SAMD5: variants seen among roughly 807,000 people sequenced by gnomAD.
The protein encoded by SAMD5 is sterile alpha motif domain containing 5, also known as sterile alpha motif domain-containing protein 5.
Under a neutral mutation model 11.3 loss-of-function variants are expected in SAMD5, and 13 were observed. The observed-to-expected ratio is 1.15, with a 90% CI of 0.75 to 1.83. The LOEUF (loss-of-function observed/expected upper bound fraction) is 1.83, where lower values mean the gene tolerates loss of function less well. Ranked by LOEUF, SAMD5 falls within the 40% of genes most tolerant of loss-of-function variation. The pLI, the probability that SAMD5 is intolerant of heterozygous loss-of-function variation, is 0.00. For synonymous variants in SAMD5, 129 were observed against 111.3 expected (o/e 1.16, Z -1.00); for missense variants, 255 against 239.1 (o/e 1.07, Z -0.44).
the SAMD5 span, among the ~76,000 whole-genome samples, chr6:147,905,971 G>T: frequency 6.6e-6 from 1 of 152,142 alleles, no homozygotes; most frequent in African/African-American, 2.4e-5. Context: ...GTTTCCTGTT[G>T]TCTCAGCACC....
the SAMD5 span, among the ~76,000 whole-genome samples, chr6:147,827,280 G>A: frequency 8.2e-3 from 1,241 of 151,780 alleles, 19 homozygotes; most frequent in African/African-American, 0.029. Context: ...CTTGTTCGTT[G>A]CACACACATA....
At chr6:147,861,447 T>G in the SAMD5 span, among the ~76,000 whole-genome samples, 1 of 152,122 alleles carries the variant, frequency 6.6e-6, no homozygotes, top group Non-Finnish European at 1.5e-5. Flanking sequence ...ATTACAGGTG[T>G]GAGCCACCAC....
chr6:147,788,235 G>A, the SAMD5 span, among the ~76,000 whole-genome samples: 1 of 152,286 alleles, frequency 6.6e-6, no homozygotes, highest in Non-Finnish European at 1.5e-5. Context: ...GGATATTTCA[G>A]TATACATATT....
In SAMD5 at chr6:147,569,966, A is replaced by T. The variant is rs970420797; in HGVS notation, c.*5510A>T. ...AACCATGTAATGCATGCCCATGCAC[A>T]CTGTGATTTGCAAACATATGTCCGC... On this transcript the variant is annotated 3_prime_UTR_variant, in exon 2 of 2. Transcript: ENST00000367474. 1.0e-6 allele frequency: 1 copy of T among 985,090 alleles called. No homozygotes were observed. The allele number at this position is 985,090 out of a possible 1,614,324, so 61.0% of individuals were successfully genotyped here.
the SAMD5 span, among the ~76,000 whole-genome samples, chr6:147,900,427 G>A: frequency 2.0e-5 from 3 of 152,184 alleles, no homozygotes; most frequent in Non-Finnish European, 4.4e-5. Context: ...TGCTGGAGAC[G>A]CAAAAGTGTG....
chr6:147,763,447 C>A, the SAMD5 span, among the ~76,000 whole-genome samples: 1 of 151,308 alleles, frequency 6.6e-6, no homozygotes, highest in Non-Finnish European at 1.5e-5. Context: ...CAGGTGTGAG[C>A]CACCGCGCCT....
the SAMD5 span, among the ~76,000 whole-genome samples, chr6:147,885,119 C>T: frequency 6.0e-4 from 91 of 152,218 alleles, no homozygotes; most frequent in African/African-American, 2.1e-3. Flanking sequence ...CATGAACTGC[C>T]AGTATTGCTT....
chr6:147,736,198 A>G (rs1192705302), intron 1 of SAMD5, among the ~76,000 whole-genome samples: 2 of 152,226 alleles, frequency 1.3e-5, no homozygotes, highest in Non-Finnish European at 2.9e-5. Context: ...TAGTATTATC[A>G]ATCTCATTCA....
intron 1 of SAMD5, among the ~76,000 whole-genome samples, chr6:147,592,376 G>C (rs1789468139): frequency 6.6e-6 from 1 of 152,150 alleles, no homozygotes; most frequent in East Asian, 1.9e-4. Context: ...TCCAGGGAAA[G>C]AGGTGGGCGT....
chr6:147,917,786 T>G, the SAMD5 span, among the ~76,000 whole-genome samples: 1 of 152,204 alleles, frequency 6.6e-6, no homozygotes, highest in Non-Finnish European at 1.5e-5. Flanking sequence ...GGCTAGCCAG[T>G]TTTCCCAGCA....
chr6:147,870,749 G>C, the SAMD5 span, among the ~76,000 whole-genome samples: 1 of 144,448 alleles, frequency 6.9e-6, no homozygotes, highest in Non-Finnish European at 1.5e-5. Flanking sequence ...GAGGGGAGAG[G>C]GGGCAGGAAG....
chr6:147,638,815 C>G (rs1790270032), intron 1 of SAMD5, among the ~76,000 whole-genome samples: 1 of 152,178 alleles, frequency 6.6e-6, no homozygotes, highest in South Asian at 2.1e-4. Flanking sequence ...AATTCAGAGA[C>G]AGTGCTAGTA....
intron 1 of SAMD5, among the ~76,000 whole-genome samples, chr6:147,712,605 A>T (rs1267897921): frequency 6.6e-6 from 1 of 152,154 alleles, no homozygotes; most frequent in African/African-American, 2.4e-5. Flanking sequence ...TTGAGATAGC[A>T]TCTTGAGGGT....
chr6:147,558,411 C>T (rs184169792), intron 1 of SAMD5, among the ~76,000 whole-genome samples: 3 of 152,230 alleles, frequency 2.0e-5, no homozygotes, highest in East Asian at 3.9e-4. Context: ...GCTTGTGCTG[C>T]GTAATTATAA....
chr6:147,693,605 A>G (rs1034896470), intron 1 of SAMD5, among the ~76,000 whole-genome samples: 2 of 152,220 alleles, frequency 1.3e-5, no homozygotes, highest in Non-Finnish European at 2.9e-5. Context: ...AAGTGGAGGA[A>G]TGATGTTTAA....
intron 1 of SAMD5, among the ~76,000 whole-genome samples, chr6:147,678,637 C>G (rs896747378): frequency 6.6e-6 from 1 of 152,076 alleles, no homozygotes; most frequent in Non-Finnish European, 1.5e-5. Flanking sequence ...TATTCAAAAC[C>G]AAACACTTAG....
At chr6:147,939,787 C>G in the SAMD5 span, among the ~76,000 whole-genome samples, 1 of 151,812 alleles carries the variant, frequency 6.6e-6, no homozygotes, top group Non-Finnish European at 1.5e-5. Context: ...AACTTTGCCT[C>G]AGGTTCTATG....
chr6:147,548,223 G>C (rs1015360197), intron 1 of SAMD5, among the ~76,000 whole-genome samples: 3 of 152,176 alleles, frequency 2.0e-5, no homozygotes, highest in African/African-American at 7.2e-5. Flanking sequence ...GTATCCCTTA[G>C]AGGATAATGT....
chr6:147,625,712 A>C (rs4896930), intron 1 of SAMD5, among the ~76,000 whole-genome samples: 107,559 of 151,372 alleles, frequency 0.71, 38,808 homozygotes, highest in African/African-American at 0.84. Context: ...GTTAAAAGAA[A>C]ACACATACAC....
Sources: allele counts gnomAD v4.1 joint callset (sites outside exome capture counted in the v4.1 genomes callset), GRCh38; gene constraint gnomAD v4.1.1; transcripts MANE v1.5; gene names NCBI Gene and HGNC (gene_info 2026-07-23, HGNC 2026-07-21).